DPH6: variants seen among roughly 807,000 people sequenced by gnomAD.
The protein encoded by DPH6 is diphthine--ammonia ligase.
Under a neutral mutation model 38.2 loss-of-function variants are expected in DPH6, and 33 were observed. The observed-to-expected ratio is 0.86, with a 90% CI of 0.65 to 1.15. The LOEUF is 1.15. DPH6 is among the 50% of genes most tolerant of loss of function. DPH6 has a pLI of 0.00. For missense variants in DPH6, 325 were observed against 320.0 expected, an observed-to-expected ratio of 1.02 and a Z score of -0.12; for synonymous variants, 108 against 103.0, an observed-to-expected ratio of 1.05 and a Z score of -0.30.
chr15:35,263,330 A>G (rs929344044), intron 3 of DPH6, among the ~76,000 whole-genome samples: 2 of 152,036 alleles, frequency 1.3e-5, no homozygotes, highest in African/African-American at 2.4e-5. Context: ...CTCTGAACTC[A>G]TAAGAAGGAT....
intron 3 of DPH6, chr15:35,237,692 T>G: frequency 6.2e-7 from 1 of 1,613,494 alleles, no homozygotes; most frequent in South Asian, 1.1e-5. Flanking sequence ...CCTTTTCAAT[T>G]GCGAGGTAAC....
chr15:35,292,337 C>G (rs1157042925), intron 3 of DPH6, among the ~76,000 whole-genome samples: 1 of 152,084 alleles, frequency 6.6e-6, no homozygotes, highest in Non-Finnish European at 1.5e-5. Flanking sequence ...ATATCTCATT[C>G]TAAAGAGAGG....
chr15:35,431,707 T>C (rs1451587041), intron 5 of DPH6, among the ~76,000 whole-genome samples: 1 of 152,046 alleles, frequency 6.6e-6, no homozygotes, highest in Non-Finnish European at 1.5e-5. Flanking sequence ...AATTGAAAAG[T>C]CTAAGGAGAA....
chr15:35,172,159 C>A, the DPH6 span, among the ~76,000 whole-genome samples: 3 of 152,174 alleles, frequency 2.0e-5, no homozygotes, highest in East Asian at 1.9e-4. Flanking sequence ...AGCCACCACG[C>A]CCAGCCTAAT....
intron 3 of DPH6, among the ~76,000 whole-genome samples, chr15:35,294,417 T>G (rs759914174): frequency 1.3e-5 from 2 of 152,192 alleles, no homozygotes; most frequent in Non-Finnish European, 2.9e-5. Context: ...ACAGTAGGTT[T>G]GTAGTATTGT....
chr15:35,349,579 G>A (rs1000950911), intron 3 of DPH6, among the ~76,000 whole-genome samples: 22 of 152,032 alleles, frequency 1.4e-4, no homozygotes, highest in Admixed American at 7.2e-4. Flanking sequence ...TATTACTGGC[G>A]TGTGCCACCA....
chr15:35,416,175 A>T (rs1382880662), intron 5 of DPH6, among the ~76,000 whole-genome samples: 1 of 152,030 alleles, frequency 6.6e-6, no homozygotes, highest in Admixed American at 6.6e-5. Flanking sequence ...ATAGTGTTAG[A>T]GAGTTTACAA....
intron 3 of DPH6, among the ~76,000 whole-genome samples, chr15:35,248,701 G>C (rs889264123): frequency 1.1e-4 from 17 of 152,164 alleles, no homozygotes; most frequent in African/African-American, 3.6e-4. Flanking sequence ...CTTTATTGTA[G>C]GGGTGTCAGC....
At chr15:35,214,345 A>C (rs548247892), downstream of DPH6, among the ~76,000 whole-genome samples, 1 of 152,308 alleles carries the variant, frequency 6.6e-6, no homozygotes, top group South Asian at 2.1e-4. Context: ...AGTAGAATGA[A>C]AGCTGAAACA....
At chr15:35,337,873 T>C (rs200899295) in intron 3 of DPH6, among the ~76,000 whole-genome samples, 54,436 of 150,984 alleles carry the variant, frequency 0.36, 11,645 homozygotes, top group African/African-American at 0.61. Context: ...TCAGAAATAA[T>C]GCCACATATC....
At chr15:35,506,457 G>T (rs1328972528) in intron 3 of DPH6, among the ~76,000 whole-genome samples, 1 of 152,128 alleles carries the variant, frequency 6.6e-6, no homozygotes, top group African/African-American at 2.4e-5. Flanking sequence ...AGAAGAGTCT[G>T]AGTGCCAGCA....
intron 3 of DPH6, among the ~76,000 whole-genome samples, chr15:35,226,432 T>C (rs1486964342): frequency 2.0e-5 from 3 of 151,240 alleles, no homozygotes; most frequent in Non-Finnish European, 4.4e-5. Flanking sequence ...TCCACATACA[T>C]TTAAAAAAAA....
chr15:35,346,821 G>C (rs915639811), intron 3 of DPH6, among the ~76,000 whole-genome samples: 1 of 151,664 alleles, frequency 6.6e-6, no homozygotes, highest in African/African-American at 2.4e-5. Flanking sequence ...ATTAGCTTAT[G>C]GTTCAAAAAT....
chr15:35,298,391 C>T lies in DPH6; in HGVS notation n.200+75130G>A, dbSNP rs957291131. The stretch of plus-strand genomic sequence containing the variant: ...TAACTCTCTCAAATTCTAAAAATAT[C>T]CGTACTGCTTCATCATCAGGGGCAC... On this transcript the variant is annotated intron_variant and non_coding_transcript_variant, in intron 3 of 3. Transcript: ENST00000560386. The T allele has an allele frequency of 4.2e-6, 3 of 714,698 alleles. No homozygotes were observed. The African/African-American group carries it at 5.2e-5, about 12-fold the overall frequency. 44.3% of individuals were successfully genotyped at this position (714,698 alleles called of 1,614,324 possible).
At chr15:35,539,658 A>T (rs1386980013) in intron 2 of DPH6, among the ~76,000 whole-genome samples, 1 of 152,068 alleles carries the variant, frequency 6.6e-6, no homozygotes, top group East Asian at 1.9e-4. Context: ...TGTTCACAAA[A>T]TGCTATTAAA....
chr15:35,467,587 A>C (rs1451164166), intron 3 of DPH6, among the ~76,000 whole-genome samples: 1 of 152,150 alleles, frequency 6.6e-6, no homozygotes, highest in Non-Finnish European at 1.5e-5. Flanking sequence ...GAAACAAAAC[A>C]AACAAAAAAA....
At chr15:35,533,231 A>G (rs187275652) in intron 3 of DPH6, among the ~76,000 whole-genome samples, 2 of 152,202 alleles carry the variant, frequency 1.3e-5, no homozygotes, top group Admixed American at 1.3e-4. Flanking sequence ...CCTGATTTAT[A>G]TTTGGAGATT....
At chr15:35,499,963 C>T (rs1188448787) in intron 3 of DPH6, among the ~76,000 whole-genome samples, 1 of 152,144 alleles carries the variant, frequency 6.6e-6, no homozygotes, top group Non-Finnish European at 1.5e-5. Flanking sequence ...CAGGTGTCGA[C>T]ACAGACTGTG....
chr15:35,542,635 AC>A, intron 1 of DPH6, 128 bp from the exon 2 acceptor site: 1 of 894,440 alleles, frequency 1.1e-6, no homozygotes, highest in Non-Finnish European at 1.6e-6. Context: ...TGCAAAAAAA[AC>A]CCATTAATTT....
Sources: allele counts gnomAD v4.1 joint callset (sites outside exome capture counted in the v4.1 genomes callset), GRCh38; gene constraint gnomAD v4.1.1; transcripts MANE v1.5; gene names NCBI Gene and HGNC (gene_info 2026-07-23, HGNC 2026-07-21).